BOLL: variants seen among roughly 807,000 people sequenced by gnomAD.
BOLL encodes the protein protein boule-like.
Under a neutral mutation model 44.4 loss-of-function variants are expected in BOLL, and 23 were observed. The ratio of observed to expected loss-of-function variants is 0.52; its 90% CI spans 0.37 to 0.73. The LOEUF (loss-of-function observed/expected upper bound fraction) is 0.73. Ranked by LOEUF, BOLL falls within the 30% of genes least tolerant of loss-of-function variation. BOLL has a pLI of 0.00. For missense variants in BOLL, 287 were observed against 338.3 expected (o/e 0.85, Z 1.19); for synonymous variants, 97 against 110.8 (o/e 0.88, Z 0.78).
rs1686904738 is a variant in BOLL, at chr2:197,727,635, A to G, written c.*920T>C. 6.6e-6 allele frequency: 1 copy of G among 152,320 alleles called. No individual in the cohort carries two copies. The highest frequency in any genetic ancestry group is 2.4e-5 in the African/African-American group (1 of 41,460). 9.4% of individuals were successfully genotyped at this position (152,320 alleles called of 1,614,324 possible). ...GTCCTTTTAAAAATTAATCACATAT[A>G]TAATTGAATATATTGGTTGCATATC... On this transcript the variant is annotated 3_prime_UTR_variant, in exon 11 of 11. Coordinates refer to ENST00000392296, the MANE Select transcript of BOLL (RefSeq NM_033030.6).
At chr2:197,784,391 C>CATAT (rs60865376) in intron 1 of BOLL, among the ~76,000 whole-genome samples, 1 of 55,000 alleles carries the variant, frequency 1.8e-5, no homozygotes, top group African/African-American at 8.5e-5. Flanking sequence ...CAGTCTAATA[C>CATAT]ATATATATAT....
chr2:197,742,119 A>C (rs1260010802), intron 10 of BOLL, among the ~76,000 whole-genome samples: 3 of 152,236 alleles, frequency 2.0e-5, no homozygotes, highest in Non-Finnish European at 4.4e-5. Flanking sequence ...ATGAGATACC[A>C]TCTTACACCA....
intron 9 of BOLL, among the ~76,000 whole-genome samples, chr2:197,752,161 A>G (rs900495022): frequency 2.6e-5 from 4 of 152,242 alleles, no homozygotes. Flanking sequence ...CAAAATAATA[A>G]GAGCTATTTA....
intron 9 of BOLL, among the ~76,000 whole-genome samples, chr2:197,746,381 A>C (rs750527689): frequency 6.6e-6 from 1 of 152,252 alleles, no homozygotes; most frequent in Non-Finnish European, 1.5e-5. Context: ...AATAGTCAAG[A>C]TATGGAATCA....
chr2:197,746,815 G>A lies in BOLL; in HGVS notation c.730-3656C>T, dbSNP rs529925148. ...TTTGGGAGGCTGGGACAGGGGGATC[G>A]CTTGAACCCGGGAGGCAGAGGTTGC... On this transcript the variant is annotated intron_variant, in intron 9 of 10. Transcript: ENST00000392296. Among the ~76,000 whole-genome samples the A allele has an allele frequency of 8.7e-4, 132 of 150,938 alleles. 2 individuals are homozygous for A. Among genetic ancestry groups the A allele is most frequent in the South Asian group, 2.5e-3 (12 of 4,758 alleles).
At chr2:197,784,390 AC>A (rs1689945896) in intron 1 of BOLL, among the ~76,000 whole-genome samples, 1 of 82,192 alleles carries the variant, frequency 1.2e-5, no homozygotes, top group Admixed American at 1.6e-4. Flanking sequence ...GCAGTCTAAT[AC>A]ATATATATAT....
chr2:197,753,705 A>C (rs1688371249), intron 9 of BOLL, among the ~76,000 whole-genome samples: 1 of 152,212 alleles, frequency 6.6e-6, no homozygotes, highest in Admixed American at 6.5e-5. Flanking sequence ...AAATTAATTC[A>C]ACCACTGTGG....
chr2:197,772,219 T>C (rs966720094), intron 5 of BOLL, among the ~76,000 whole-genome samples: 2 of 151,940 alleles, frequency 1.3e-5, no homozygotes, highest in African/African-American at 4.8e-5. Flanking sequence ...AGAAAAACAA[T>C]ACGAATAAGA....
At chr2:197,756,394 G>C in intron 9 of BOLL, 34 bp downstream of exon 9, 2 of 1,518,064 alleles carry the variant, frequency 1.3e-6, no homozygotes, top group African/African-American at 1.4e-5. Flanking sequence ...ACATGAGGTA[G>C]TTATAGATCA....
intron 7 of BOLL, among the ~76,000 whole-genome samples, chr2:197,759,845 CT>C (rs1165440873): frequency 6.6e-6 from 1 of 152,218 alleles, no homozygotes; most frequent in Non-Finnish European, 1.5e-5. Flanking sequence ...GCATACAGGG[CT>C]GAGAAACAGC....
Position 197,728,572 on chromosome 2 carries a change from A to T in BOLL, c.835T>A (p.Trp279Arg). The change falls in exon 11 of 11, where the codon TGG becomes AGG. Residue 279 changes from tryptophan (W) to arginine (R), a missense_variant. Trp to Arg is a moderately radical substitution (Grantham distance 101). Transcript: ENST00000392296. The stretch of plus-strand genomic sequence containing the variant: ...CAATTGTCTTAATAATGAATGCTCC[A>T]CACTGTCTGTTAAGTAAAGAGAAAA... ...VMQPEPIKTV[W>R]SIHY 6.2e-7 allele frequency: 1 copy of T among 1,606,110 alleles called. No individual in the cohort carries two copies. Among genetic ancestry groups the T allele is most frequent in the Non-Finnish European group, 8.5e-7 (1 of 1,173,586 alleles).
intron 10 of BOLL, among the ~76,000 whole-genome samples, chr2:197,738,060 C>A (rs922533719): frequency 3.3e-5 from 5 of 151,902 alleles, no homozygotes; most frequent in East Asian, 1.9e-4. Flanking sequence ...GTAAGAAAAC[C>A]AAAACACTTG....
intron 2 of BOLL, 133 bp downstream of exon 2, chr2:197,781,589 T>C: frequency 3.2e-6 from 3 of 937,166 alleles, no homozygotes; most frequent in Non-Finnish European, 4.5e-6. Context: ...AAAAGATTCT[T>C]TATAATAAGA....
intron 9 of BOLL, among the ~76,000 whole-genome samples, chr2:197,754,103 A>G (rs1688390185): frequency 6.6e-6 from 1 of 152,116 alleles, no homozygotes; most frequent in Admixed American, 6.6e-5. Flanking sequence ...ACATGGACAT[A>G]GGGAGGGGAA....
intron 10 of BOLL, among the ~76,000 whole-genome samples, chr2:197,729,940 G>C (rs953615818): frequency 2.0e-5 from 3 of 152,170 alleles, no homozygotes; most frequent in African/African-American, 7.2e-5. Context: ...TTCCTCACCA[G>C]CAACAGAACA....
intron 9 of BOLL, among the ~76,000 whole-genome samples, chr2:197,750,814 A>G (rs1329702241): frequency 6.6e-6 from 1 of 152,200 alleles, no homozygotes; most frequent in Non-Finnish European, 1.5e-5. Context: ...ACATCTACAG[A>G]ACTCTCCACC....
chr2:197,761,415 A>G (rs752544629), intron 7 of BOLL, among the ~76,000 whole-genome samples: 12 of 152,222 alleles, frequency 7.9e-5, no homozygotes, highest in Non-Finnish European at 1.8e-4. Context: ...ACGATCATGA[A>G]ACATGCAAAA....
chr2:197,728,836 A>C (rs1397530134), intron 10 of BOLL, among the ~76,000 whole-genome samples: 1 of 150,966 alleles, frequency 6.6e-6, no homozygotes, highest in Non-Finnish European at 1.5e-5. Flanking sequence ...TGTTGAGTAA[A>C]TAAAATGAGG....
chr2:197,744,665 G>A (rs1485752359), intron 9 of BOLL, among the ~76,000 whole-genome samples: 1 of 152,296 alleles, frequency 6.6e-6, no homozygotes, highest in African/African-American at 2.4e-5. Context: ...AGTGGTGGGA[G>A]TGTGTGTCAC....
Sources: gnomAD v4.1 joint callset for allele counts (sites outside exome capture counted in the v4.1 genomes callset) on GRCh38, gnomAD v4.1.1 for gene constraint, MANE v1.5 for transcripts, NCBI Gene and HGNC (gene_info 2026-07-23, HGNC 2026-07-21) for gene names.